Variants in RASEF observed in about 807,000 individuals in gnomAD.
RASEF encodes the protein RAS and EF-hand domain containing.
RASEF carries 68 observed loss-of-function variants against 90.1 expected under a neutral mutation model. That is an observed-to-expected ratio of 0.75 (90% CI 0.62 to 0.92). The LOEUF (loss-of-function observed/expected upper bound fraction) is 0.92, where lower values mean the gene tolerates loss of function less well. Among genes scored for constraint, RASEF ranks in the 40% least tolerant of loss-of-function variants. The probability of loss-of-function intolerance (pLI) is 0.00; values close to 1 mark genes in which losing one functional copy is unlikely to be tolerated. For missense variants in RASEF, 949 were observed against 937.2 expected, an observed-to-expected ratio of 1.01 and a Z score of -0.16; for synonymous variants, 331 against 345.2, an observed-to-expected ratio of 0.96 and a Z score of 0.46.
the RASEF span, among the ~76,000 whole-genome samples, chr9:83,134,410 G>A: frequency 0.49 from 68,298 of 138,968 alleles, 16,263 homozygotes; most frequent in East Asian, 0.75. Flanking sequence ...TCACAATAGC[G>A]CACACACACA....
the RASEF span, among the ~76,000 whole-genome samples, chr9:83,175,725 C>T: frequency 3.2e-4 from 49 of 152,138 alleles, no homozygotes; most frequent in Admixed American, 3.9e-4. Flanking sequence ...GGACTACAGG[C>T]GCACACTGCC....
upstream of RASEF, among the ~76,000 whole-genome samples, chr9:83,067,635 C>T (rs1018964275): frequency 1.3e-5 from 2 of 152,058 alleles, no homozygotes; most frequent in African/African-American, 2.4e-5. Context: ...GAAAATCTTT[C>T]ATTTAAAAAA....
Position 83,062,604 on chromosome 9 carries a change from G to C in RASEF, c.264C>G (p.Pro88=), listed in dbSNP as rs1830230501. The change falls in exon 1 of 17, where the codon CCC becomes CCG. Residue 88 remains proline, a synonymous_variant. Transcript: ENST00000376447. ...GCCCCGCCTCAGACACGGCGGGCGC[G>C]GGATCCAGAGGACCCCAGTCCCGGC... is the stretch of plus-strand genomic sequence containing the variant. ...GRRRDWGPLD[P]APAVSEAGPE... 2.6e-6 allele frequency: 4 copies of C among 1,564,894 alleles called. No homozygotes were observed. The highest frequency in any genetic ancestry group is 3.5e-6 in the Non-Finnish European group (4 of 1,159,004).
chr9:83,188,213 G>A, the RASEF span, among the ~76,000 whole-genome samples: 1 of 152,124 alleles, frequency 6.6e-6, no homozygotes, highest in African/African-American at 2.4e-5. Flanking sequence ...TACAGGTTAG[G>A]TGGATTGATG....
the RASEF span, among the ~76,000 whole-genome samples, chr9:83,097,213 C>T: frequency 6.6e-6 from 1 of 152,214 alleles, no homozygotes; most frequent in African/African-American, 2.4e-5. Flanking sequence ...GCCACACTGT[C>T]TTCCACAATG....
chr9:83,171,024 ATT>A, the RASEF span, among the ~76,000 whole-genome samples: 1 of 151,780 alleles, frequency 6.6e-6, no homozygotes, highest in African/African-American at 2.4e-5. Flanking sequence ...AAAGCTTTCA[ATT>A]TTTCCCCATT....
At chr9:83,103,903 T>A in the RASEF span, among the ~76,000 whole-genome samples, 1 of 152,204 alleles carries the variant, frequency 6.6e-6, no homozygotes, top group East Asian at 1.9e-4. Flanking sequence ...ATCAACATGT[T>A]ATGACTGCTT....
the RASEF span, among the ~76,000 whole-genome samples, chr9:83,167,339 A>G: frequency 6.7e-6 from 1 of 148,406 alleles, no homozygotes; most frequent in East Asian, 2.0e-4. Context: ...CAATGTCTTG[A>G]GTAAATCACC....
chr9:83,127,808 C>T, the RASEF span, among the ~76,000 whole-genome samples: 1,525 of 152,200 alleles, frequency 0.01, 10 homozygotes, highest in Non-Finnish European at 0.016. Flanking sequence ...TACCCCAGAA[C>T]CTGCAGTAGC....
the RASEF span, among the ~76,000 whole-genome samples, chr9:83,142,626 C>G: frequency 6.6e-6 from 1 of 152,176 alleles, no homozygotes; most frequent in Non-Finnish European, 1.5e-5. Flanking sequence ...TGATATTCAG[C>G]TTTTGCAACA....
At chr9:83,200,976 C>T in the RASEF span, 1 of 152,194 alleles carries the variant, frequency 6.6e-6, no homozygotes, top group Non-Finnish European at 1.5e-5. Context: ...GGATTTTGTA[C>T]ATAAAGACTT....
At chr9:83,067,469 A>G (rs1478769146), upstream of RASEF, among the ~76,000 whole-genome samples, 1 of 152,230 alleles carries the variant, frequency 6.6e-6, no homozygotes, top group East Asian at 1.9e-4. Context: ...ATCCATAATT[A>G]GCAAATGTGA....
chr9:83,086,601 T>TG, the RASEF span, among the ~76,000 whole-genome samples: 5 of 152,284 alleles, frequency 3.3e-5, no homozygotes, highest in East Asian at 9.7e-4. Flanking sequence ...CAAGTTGCTG[T>TG]GGGGGCTGCA....
chr9:83,121,449 G>A, the RASEF span, among the ~76,000 whole-genome samples: 1 of 152,154 alleles, frequency 6.6e-6, no homozygotes, highest in African/African-American at 2.4e-5. Flanking sequence ...TACATTTTAA[G>A]AAGCACTTCT....
the RASEF span, among the ~76,000 whole-genome samples, chr9:83,182,885 G>A: frequency 6.6e-6 from 1 of 152,072 alleles, no homozygotes; most frequent in African/African-American, 2.4e-5. Context: ...GAAAAGGAAT[G>A]AACTACTAAT....
At chr9:83,056,001 G>GTA (rs1356570093) in intron 1 of RASEF, among the ~76,000 whole-genome samples, 4 of 152,060 alleles carry the variant, frequency 2.6e-5, no homozygotes, top group African/African-American at 7.3e-5. Context: ...AGGGTCAGGT[G>GTA]TATATATATA....
intron 1 of RASEF, chr9:83,048,961 T>C (rs1829984558): frequency 5.8e-6 from 1 of 171,150 alleles, no homozygotes; most frequent in Non-Finnish European, 1.2e-5. Flanking sequence ...CTATCTGTAC[T>C]AAAAATACAA....
At chr9:83,075,994 C>A in the RASEF span, among the ~76,000 whole-genome samples, 4 of 151,908 alleles carry the variant, frequency 2.6e-5, no homozygotes, top group Non-Finnish European at 1.5e-5. Flanking sequence ...ACAGTGAAAC[C>A]CCGCCTCTAC....
chr9:83,131,938 T>C, the RASEF span, among the ~76,000 whole-genome samples: 1 of 152,114 alleles, frequency 6.6e-6, no homozygotes. Flanking sequence ...TAAAACAACA[T>C]TCCCAAAGTA....
Sources: allele counts gnomAD v4.1 joint callset (sites outside exome capture counted in the v4.1 genomes callset), GRCh38; gene constraint gnomAD v4.1.1; transcripts MANE v1.5; gene names NCBI Gene and HGNC (gene_info 2026-07-23, HGNC 2026-07-21).